The following KIF21B variants were observed in gnomAD, a reference collection of about 807,000 sequenced individuals.
KIF21B encodes kinesin family member 21B.
KIF21B carries 85 observed loss-of-function variants against 192.9 expected under a neutral mutation model. The ratio of observed to expected loss-of-function variants is 0.44; its 90% CI spans 0.37 to 0.53. The LOEUF is 0.53. KIF21B is among the 20% of genes least tolerant of loss of function. The pLI is 0.00. For synonymous variants in KIF21B, 832 were observed against 884.6 expected (o/e 0.94, Z 1.05); for missense variants, 1,716 against 2,194.8 (o/e 0.78, Z 4.36).
intron 34 of KIF21B, 146 bp from the exon 35 acceptor site, chr1:200,973,724 T>G (rs1571903717): frequency 6.8e-7 from 1 of 1,478,490 alleles, no homozygotes; most frequent in East Asian, 2.7e-5. Flanking sequence ...TACGGGGAGG[T>G]GGACTGCAGG....
rs964234088 is a variant in KIF21B at position 200,990,818 on chromosome 1, G to A, written c.2688-95C>T. ...CTGGAGCTGACAGCCACGGGGACCC[G>A]GAGCACTCCCCAGAGCTTCCCTCTT... On this transcript the variant is annotated intron_variant, in intron 18 of 34. Coordinates refer to ENST00000461742, the MANE Select transcript of KIF21B (RefSeq NM_001252102.2). The surrounding 1 kb of genome is among the most constrained non-coding windows in gnomAD (Gnocchi z 5.4). The A allele has an allele frequency of 3.6e-5, 58 of 1,591,396 alleles. No individual in the cohort carries two copies. The Admixed American group carries it at 8.1e-4, about 22-fold the overall frequency.
chr1:200,999,423 C>T lies in KIF21B; in HGVS notation c.1811G>A (p.Gly604Glu). The T allele has an allele frequency of 1.2e-6, 2 of 1,614,116 alleles. No homozygotes were observed. The highest frequency in any genetic ancestry group is 8.5e-7 in the Non-Finnish European group (1 of 1,180,000). ...CGAGTCCTCATCTTCATCCTCGCGC[C>T]CTTCCTCCTCCTCACAGCCACTCTC... is the stretch of plus-strand genomic sequence containing the variant. ...RDESGCEEEE[G>E]REDEDEDSGS... The change falls in exon 13 of 35, where the codon GGG (glycine) becomes GAG (glutamate). Residue 604 changes from glycine (G) to glutamate (E), a missense_variant. This residue lies in a region of KIF21B where 1,087 missense variants were observed against 1,316.6 expected (regional missense o/e 0.83). Coordinates refer to ENST00000461742, the MANE Select transcript of KIF21B (RefSeq NM_001252102.2). The surrounding 1 kb of genome is among the most constrained non-coding windows in gnomAD (Gnocchi z 4.7).
chr1:200,986,412 T>A (rs539132418), intron 26 of KIF21B, among the ~76,000 whole-genome samples: 2 of 150,932 alleles, frequency 1.3e-5, no homozygotes, highest in Non-Finnish European at 3.0e-5. Flanking sequence ...GGCTGCAGCG[T>A]AGTGGCACGA....
chr1:200,992,563 G>A (rs2102416149), intron 15 of KIF21B, among the ~76,000 whole-genome samples, 174 bp from the exon 16 acceptor site: 1 of 152,366 alleles, frequency 6.6e-6, no homozygotes, highest in Admixed American at 6.5e-5. Context: ...TCCTCCATAG[G>A]AGCTTAAGCC....
rs1330148053 is a variant in KIF21B, at chr1:200,982,963, G to A, written c.3842+93C>T. ...GAGGGGCCGCATGCTGAGGACACGGGTGTCAGGCGGGAGGGATGCAGCAAG... is the reference window on the plus strand; with the variant it reads ...GAGGGGCCGCATGCTGAGGACACGGATGTCAGGCGGGAGGGATGCAGCAAG... On this transcript the variant is annotated intron_variant, in intron 28 of 34. Coordinates refer to ENST00000461742, the MANE Select transcript of KIF21B (RefSeq NM_001252102.2). The surrounding 1 kb of genome is among the most constrained non-coding windows in gnomAD (Gnocchi z 4.7). 3.3e-5 allele frequency: 38 copies of A among 1,150,102 alleles called. No individual in the cohort carries two copies. The highest frequency in any genetic ancestry group is 2.3e-4 in the Middle Eastern group (1 of 4,278). The allele number at this position is 1,150,102 out of a possible 1,614,324, so 71.2% of individuals were successfully genotyped here.
At chr1:200,987,252 T>A in intron 24 of KIF21B, 51 bp from the exon 25 acceptor site, 1 of 1,496,716 alleles carries the variant, frequency 6.7e-7, no homozygotes, top group Admixed American at 2.0e-5. Context: ...GCATGGCACA[T>A]AAAGGGGAGC....
rs1166856030 is a variant in KIF21B at position 200,970,725 on chromosome 1, C to T, written c.*2796G>A. ...TGACCCAGGAGACTGGGAATCAGTC[C>T]AAGCTCTTCAGGCTCACTAGGGCTA... On this transcript the variant is annotated 3_prime_UTR_variant, in exon 35 of 35. Transcript: ENST00000461742. 1 of 152,404 alleles carries T rather than the reference C, an allele frequency of 6.6e-6. No individual in the cohort carries two copies. 9.4% of individuals were successfully genotyped at this position (152,404 alleles called of 1,614,324 possible).
At chr1:200,992,195 C>G (rs1050863792) in intron 16 of KIF21B, 87 bp downstream of exon 16, 1 of 1,182,974 alleles carries the variant, frequency 8.5e-7, no homozygotes, top group Non-Finnish European at 1.2e-6. Context: ...CTGAGGCCCG[C>G]TTGGTCAGGA....
chr1:200,989,592 C>T (rs1353715036), intron 21 of KIF21B, among the ~76,000 whole-genome samples: 1 of 152,236 alleles, frequency 6.6e-6, no homozygotes, highest in Admixed American at 6.5e-5. Context: ...CCCCCACATA[C>T]ACACACTTCT....
In KIF21B at chr1:200,988,943, G is replaced by A. The variant is rs1279766337; in HGVS notation, c.3133-12C>T. 1.2e-6 allele frequency: 2 copies of A among 1,603,514 alleles called. No individual in the cohort carries two copies. Among genetic ancestry groups the A allele is most frequent in the East Asian group, 4.5e-5 (2 of 44,764 alleles). On this transcript the variant is annotated splice_polypyrimidine_tract_variant and intron_variant, in intron 21 of 34. Coordinates refer to ENST00000461742, the MANE Select transcript of KIF21B (RefSeq NM_001252102.2). ...GCCACTTGCAGCCCCTGGGGGCAGG[G>A]AACAAAGCCTGGAGTTACCCCTCCT...
chr1:201,023,271 C>A lies in KIF21B; in HGVS notation c.41+72G>T. On this transcript the variant is annotated intron_variant, in intron 1 of 34. Coordinates refer to ENST00000461742, the MANE Select transcript of KIF21B (RefSeq NM_001252102.2). The surrounding 1 kb of genome is among the most constrained non-coding windows in gnomAD (Gnocchi z 5.9). Reference sequence around the variant, plus strand: ...TCCAGCCCAAGCGGTGCTCGCGCCCCCCGCCCAAAGCCCACGCGAGACAAA... The same window carrying A: ...TCCAGCCCAAGCGGTGCTCGCGCCCACCGCCCAAAGCCCACGCGAGACAAA... The A allele has an allele frequency of 1.5e-6, 2 of 1,367,522 alleles. No individual in the cohort carries two copies. Among genetic ancestry groups the A allele is most frequent in the Non-Finnish European group, 2.0e-6 (2 of 1,017,788 alleles). 84.7% of individuals were successfully genotyped at this position (1,367,522 alleles called of 1,614,324 possible).
In KIF21B at chr1:200,999,999, G is replaced by C; in HGVS notation, c.1686-35C>G. The C allele has an allele frequency of 6.3e-7, 1 of 1,591,922 alleles. No homozygotes were observed. The highest frequency in any genetic ancestry group is 8.6e-7 in the Non-Finnish European group (1 of 1,161,286). ...GAGGACAGGGAAGCTGGATTAGGAAGGCTGCCCCTGCCCTGAGCACATGGG... is the reference window on the plus strand; with the variant it reads ...GAGGACAGGGAAGCTGGATTAGGAACGCTGCCCCTGCCCTGAGCACATGGG... On this transcript the variant is annotated intron_variant, in intron 11 of 34. Coordinates refer to ENST00000461742, the MANE Select transcript of KIF21B (RefSeq NM_001252102.2). This position sits in a 1 kb window ranked among gnomAD's most constrained non-coding sequence, Gnocchi z 4.7.
chr1:200,984,094 G>C (rs1255127993), intron 27 of KIF21B, among the ~76,000 whole-genome samples: 1 of 152,210 alleles, frequency 6.6e-6, no homozygotes, highest in East Asian at 1.9e-4. Flanking sequence ...GCAATGCTGG[G>C]GAGCCCAGAG....
chr1:200,981,246 A>G, intron 28 of KIF21B, 150 bp from the exon 29 acceptor site: 2 of 755,388 alleles, frequency 2.6e-6, no homozygotes, highest in Non-Finnish European at 4.0e-6. Context: ...AAATTCCACC[A>G]AGGTCTGAGA....
At position 201,023,252 on chromosome 1, in the gene KIF21B, C is replaced by T; in HGVS notation, c.41+91G>A. On this transcript the variant is annotated intron_variant, in intron 1 of 34. Coordinates refer to ENST00000461742, the MANE Select transcript of KIF21B (RefSeq NM_001252102.2). The surrounding 1 kb of genome is among the most constrained non-coding windows in gnomAD (Gnocchi z 5.9). ...CTCCTCCGGGAGTGCAGGCTCCAGC[C>T]CAAGCGGTGCTCGCGCCCCCCGCCC... 8.4e-7 allele frequency: 1 copy of T among 1,183,626 alleles called. No individual in the cohort carries two copies. The highest frequency in any genetic ancestry group is 1.2e-6 in the Non-Finnish European group (1 of 867,888). The allele number at this position is 1,183,626 out of a possible 1,614,324, so 73.3% of individuals were successfully genotyped here.
At position 200,990,642 on chromosome 1, in the gene KIF21B, GATCCGTC is replaced by G; in HGVS notation, c.2762_2768del (p.Arg921ProfsTer9). On this transcript the variant is annotated frameshift_variant, in exon 19 of 35. Transcript: ENST00000461742. LOFTEE classifies it high-confidence loss of function. The surrounding 1 kb of genome is among the most constrained non-coding windows in gnomAD (Gnocchi z 5.4). Reference sequence around the variant, plus strand: ...TCATTCTCTGCATGACGATGTCAATGATCCGTCGCTCCAGGGACTGCCACTTGAGCCT... The same window carrying G: ...TCATTCTCTGCATGACGATGTCAATGGCTCCAGGGACTGCCACTTGAGCCT... The G allele has an allele frequency of 6.2e-7, 1 of 1,614,176 alleles. No homozygotes were observed. The highest frequency in any genetic ancestry group is 8.5e-7 in the Non-Finnish European group (1 of 1,180,024).
rs1473471422 is a variant in KIF21B at position 200,975,956 on chromosome 1, G to A, written c.4444-287C>T. Among the ~76,000 whole-genome samples the A allele has an allele frequency of 2.6e-5, 4 of 152,098 alleles. No homozygotes were observed. Among genetic ancestry groups the A allele is most frequent in the Admixed American group, 2.0e-4 (3 of 15,266 alleles). ...ATGCAGGGGTGAATCAGCTCATCAC[G>A]CCGAGACCCCACAGCTCAACAGGCA... On this transcript the variant is annotated intron_variant, in intron 32 of 34. Coordinates refer to ENST00000461742, the MANE Select transcript of KIF21B (RefSeq NM_001252102.2). The surrounding 1 kb of genome is among the most constrained non-coding windows in gnomAD (Gnocchi z 4.3).
In KIF21B at chr1:201,019,820, C is replaced by G. The variant is rs547022308; in HGVS notation, c.41+3523G>C. On this transcript the variant is annotated intron_variant, in intron 1 of 34. Transcript: ENST00000461742. Reference sequence around the variant, plus strand: ...TGATTGGCATTGACTGGCTTTGGGACTCGGAAGGCACCCCAAATACCCATT... The same window carrying G: ...TGATTGGCATTGACTGGCTTTGGGAGTCGGAAGGCACCCCAAATACCCATT... Among the ~76,000 whole-genome samples the G allele has an allele frequency of 1.2e-3, 189 of 152,248 alleles. 1 individual carries two copies. Among genetic ancestry groups the G allele is most frequent in the African/African-American group, 4.3e-3 (179 of 41,524 alleles).
chr1:200,976,934 A>AG, intron 31 of KIF21B, 41 bp from the exon 32 acceptor site: 5 of 1,484,726 alleles, frequency 3.4e-6, no homozygotes, highest in Non-Finnish European at 4.7e-6. Flanking sequence ...GGTGAATTAG[A>AG]GGGGACCCTG....
Sources: allele counts gnomAD v4.1 joint callset (sites outside exome capture counted in the v4.1 genomes callset), GRCh38; gene constraint gnomAD v4.1.1; regional missense constraint gnomAD v4.1.1; non-coding constraint Gnocchi (gnomAD v3.1); transcripts MANE v1.5; gene names NCBI Gene and HGNC (gene_info 2026-07-23, HGNC 2026-07-21).